ZMAT4: variants seen among roughly 807,000 people sequenced by gnomAD.
ZMAT4 encodes zinc finger matrin-type 4, also known as zinc finger matrin-type protein 4.
A neutral mutation model predicts 28.7 loss-of-function variants in ZMAT4; 17 were observed. That is an observed-to-expected ratio of 0.59 (90% confidence interval 0.41 to 0.89). ZMAT4 has a LOEUF of 0.89. ZMAT4 is among the 40% of genes least tolerant of loss of function. The pLI, the probability that ZMAT4 is intolerant of heterozygous loss-of-function variation, is 0.00. For missense variants in ZMAT4, 240 were observed against 283.8 expected, an observed-to-expected ratio of 0.85 and a Z score of 1.11; for synonymous variants, 117 against 109.2, an observed-to-expected ratio of 1.07 and a Z score of -0.44.
intron 1 of ZMAT4, among the ~76,000 whole-genome samples, chr8:40,846,297 A>G (rs1695850500): frequency 6.6e-6 from 1 of 151,912 alleles, no homozygotes; most frequent in Non-Finnish European, 1.5e-5. Context: ...ATCCCACTCA[A>G]CCCAATCCCC....
chr8:40,567,671 C>T (rs1803963506), intron 6 of ZMAT4, among the ~76,000 whole-genome samples: 1 of 151,024 alleles, frequency 6.6e-6, no homozygotes, highest in Admixed American at 6.6e-5. Flanking sequence ...CCACTGCACT[C>T]CAGCCTGGGG....
At chr8:40,777,438 T>C (rs1384335638) in intron 2 of ZMAT4, among the ~76,000 whole-genome samples, 1 of 152,148 alleles carries the variant, frequency 6.6e-6, no homozygotes, top group African/African-American at 2.4e-5. Context: ...TGGTGGGAGA[T>C]TCTCTTTTCT....
At chr8:40,536,036 T>C (rs1026404117) in intron 6 of ZMAT4, among the ~76,000 whole-genome samples, 9 of 152,208 alleles carry the variant, frequency 5.9e-5, no homozygotes, top group Admixed American at 2.6e-4. Flanking sequence ...GACTTGGAAC[T>C]TGTTCAGCCT....
intron 4 of ZMAT4, among the ~76,000 whole-genome samples, chr8:40,694,406 C>T (rs1809785654): frequency 6.6e-6 from 1 of 152,184 alleles, no homozygotes; most frequent in Non-Finnish European, 1.5e-5. Context: ...GTCTCCAGCC[C>T]AGCATGCTTG....
At chr8:40,882,675 A>C (rs1179169300) in intron 1 of ZMAT4, among the ~76,000 whole-genome samples, 1 of 152,166 alleles carries the variant, frequency 6.6e-6, no homozygotes, top group African/African-American at 2.4e-5. Context: ...GTTACAGGCA[A>C]TACGCTAGAC....
intron 5 of ZMAT4, among the ~76,000 whole-genome samples, chr8:40,667,450 G>A (rs1247548964): frequency 1.3e-5 from 2 of 152,144 alleles, no homozygotes; most frequent in East Asian, 3.9e-4. Flanking sequence ...CACCGTGCCC[G>A]GCCCTGTCCT....
intron 2 of ZMAT4, among the ~76,000 whole-genome samples, chr8:40,772,015 T>G (rs762991815): frequency 1.3e-5 from 2 of 152,138 alleles, no homozygotes; most frequent in Non-Finnish European, 2.9e-5. Context: ...ATTACAGAGT[T>G]TCAGGGGGAA....
At chr8:40,864,653 T>A (rs918629612) in intron 1 of ZMAT4, among the ~76,000 whole-genome samples, 1 of 152,188 alleles carries the variant, frequency 6.6e-6, no homozygotes, top group Non-Finnish European at 1.5e-5. Flanking sequence ...CATTTTAAAT[T>A]CTTTGTCTCA....
At chr8:40,731,771 C>T (rs1404648042) in intron 3 of ZMAT4, among the ~76,000 whole-genome samples, 2 of 152,190 alleles carry the variant, frequency 1.3e-5, no homozygotes, top group Admixed American at 6.5e-5. Flanking sequence ...TATTCGCACA[C>T]ACACGTTCAC....
chr8:40,578,103 A>G (rs1439526697), intron 6 of ZMAT4, among the ~76,000 whole-genome samples: 3 of 152,106 alleles, frequency 2.0e-5, no homozygotes, highest in Non-Finnish European at 4.4e-5. Flanking sequence ...ATACAATTAG[A>G]AGATTTACAC....
chr8:40,607,117 CTTTTTT>C lies in ZMAT4; in HGVS notation c.578-25862_578-25857del, dbSNP rs71544299. Among the ~76,000 whole-genome samples, 23 of 65,716 alleles carry C rather than the reference CTTTTTT, an allele frequency of 3.5e-4. No individual in the cohort carries two copies. The East Asian group carries it at 3.5e-3, about 10-fold the overall frequency. 43.1% of individuals were successfully genotyped at this position (65,716 alleles called of 152,430 possible). On this transcript the variant is annotated intron_variant, in intron 5 of 6. Coordinates refer to ENST00000297737, the MANE Select transcript of ZMAT4 (RefSeq NM_024645.3). ...AGATTTTTTCTTTCATATCTTGTAT[CTTTTTT>C]TTTTTTTTTTTTTTTTTTTGAGATG...
chr8:40,861,157 C>T (rs1817475231), intron 1 of ZMAT4, among the ~76,000 whole-genome samples: 1 of 152,220 alleles, frequency 6.6e-6, no homozygotes, highest in African/African-American at 2.4e-5. Flanking sequence ...AGGGGGGACC[C>T]TGTCTCTTTT....
intron 6 of ZMAT4, among the ~76,000 whole-genome samples, chr8:40,545,753 C>G (rs1803181603): frequency 6.6e-6 from 1 of 152,060 alleles, no homozygotes; most frequent in Non-Finnish European, 1.5e-5. Context: ...CTTCTAGCTT[C>G]CAGAATTGCG....
intron 6 of ZMAT4, among the ~76,000 whole-genome samples, chr8:40,558,205 C>T (rs1332235148): frequency 6.6e-6 from 1 of 152,138 alleles, no homozygotes; most frequent in Non-Finnish European, 1.5e-5. Context: ...TTACACAGGG[C>T]TCTGGGAGCC....
intron 6 of ZMAT4, among the ~76,000 whole-genome samples, chr8:40,573,796 T>C (rs934451159): frequency 3.3e-5 from 5 of 152,212 alleles, no homozygotes; most frequent in African/African-American, 9.6e-5. Context: ...ATATTTGTTG[T>C]GTTCTTGTCA....
At chr8:40,679,634 A>G (rs1398230940) in intron 4 of ZMAT4, among the ~76,000 whole-genome samples, 3 of 152,154 alleles carry the variant, frequency 2.0e-5, no homozygotes, top group Non-Finnish European at 2.9e-5. Context: ...TCATGATTCA[A>G]TTACTTCCCA....
At chr8:40,634,164 A>C (rs562809379) in intron 5 of ZMAT4, among the ~76,000 whole-genome samples, 2 of 152,298 alleles carry the variant, frequency 1.3e-5, no homozygotes, top group South Asian at 4.1e-4. Flanking sequence ...GGAGCAAAAC[A>C]AAAGGTATGG....
intron 5 of ZMAT4, among the ~76,000 whole-genome samples, chr8:40,602,225 G>T (rs1339075137): frequency 6.6e-6 from 1 of 152,164 alleles, no homozygotes; most frequent in African/African-American, 2.4e-5. Context: ...AGTATTATGT[G>T]TGTGTATACA....
chr8:40,822,930 A>G (rs1815883928), intron 2 of ZMAT4, among the ~76,000 whole-genome samples: 1 of 152,228 alleles, frequency 6.6e-6, no homozygotes, highest in African/African-American at 2.4e-5. Flanking sequence ...CACATTCTCT[A>G]AACAATTAGA....
Sources: gnomAD v4.1 joint callset for allele counts (sites outside exome capture counted in the v4.1 genomes callset) on GRCh38, gnomAD v4.1.1 for gene constraint, MANE v1.5 for transcripts, NCBI Gene and HGNC (gene_info 2026-07-23, HGNC 2026-07-21) for gene names.